The following PKHD1 variants were observed in gnomAD, a reference collection of about 807,000 sequenced individuals.
PKHD1 encodes the protein PKHD1 ciliary IPT domain containing fibrocystin/polyductin, also known as fibrocystin.
A neutral mutation model predicts 412.0 loss-of-function variants in PKHD1; 291 were observed. The ratio of observed to expected loss-of-function variants is 0.71; its 90% confidence interval spans 0.64 to 0.78. The LOEUF (loss-of-function observed/expected upper bound fraction) is 0.78, where lower values mean the gene tolerates loss of function less well. PKHD1 is among the 30% of genes least tolerant of loss of function. The pLI is 0.00. For missense variants in PKHD1, 4,825 were observed against 4,950.7 expected, an observed-to-expected ratio of 0.97 and a Z score of 0.76; for synonymous variants, 1,777 against 1,821.5, an observed-to-expected ratio of 0.98 and a Z score of 0.62.
intron 56 of PKHD1, among the ~76,000 whole-genome samples, chr6:51,753,962 G>T (rs1251152218): frequency 6.6e-6 from 1 of 152,108 alleles, no homozygotes; most frequent in Non-Finnish European, 1.5e-5. Context: ...TGAAATCATT[G>T]CTGAAGATTT....
chr6:51,738,176 A>G (rs1326166590), intron 60 of PKHD1, among the ~76,000 whole-genome samples: 1 of 152,204 alleles, frequency 6.6e-6, no homozygotes, highest in African/African-American at 2.4e-5. Context: ...CCACCTGCAC[A>G]GCTTCCTGGC....
At position 51,665,649 on chromosome 6, in the gene PKHD1, T is replaced by C. The variant is rs550251144; in HGVS notation, c.10157-5680A>G. Reference sequence around the variant, plus strand: ...CAGTCTAACACTCACAATGAAATTGTGAGAAGCAGCTAATGCATAGATGTA... The same window carrying C: ...CAGTCTAACACTCACAATGAAATTGCGAGAAGCAGCTAATGCATAGATGTA... On this transcript the variant is annotated intron_variant, in intron 60 of 66. Transcript: ENST00000371117. Among the ~76,000 whole-genome samples, 5 of 152,260 alleles carry C rather than the reference T, an allele frequency of 3.3e-5. No homozygotes were observed. The South Asian group carries it at 1.0e-3, about 32-fold the overall frequency.
chr6:51,729,140 T>C lies in PKHD1; in HGVS notation c.10156+15245A>G, dbSNP rs577943982. ...TATTATTCATAGCCATATTAAAAAA[T>C]GGCTTCAACTCCCTTCCTTCATGGC... On this transcript the variant is annotated intron_variant, in intron 60 of 66. Coordinates refer to ENST00000371117, the MANE Select transcript of PKHD1 (RefSeq NM_138694.4). Among the ~76,000 whole-genome samples the C allele has an allele frequency of 3.4e-4, 52 of 152,358 alleles. No homozygotes were observed. The South Asian group carries it at 4.3e-3, about 13-fold the overall frequency.
chr6:51,659,811 C>G lies in PKHD1; in HGVS notation c.10315G>C (p.Asp3439His), dbSNP rs778711731. 3 of 1,613,808 alleles carry G rather than the reference C, an allele frequency of 1.9e-6. No homozygotes were observed. The South Asian group carries it at 3.3e-5, about 18-fold the overall frequency. The change falls in exon 61 of 67, where the codon GAT (aspartate) becomes CAT (histidine). Residue 3439 changes from aspartate (D) to histidine (H), a missense_variant. Transcript: ENST00000371117. The stretch of plus-strand genomic sequence containing the variant: ...TTGGCATTTACACTGCTAAAGACAT[C>G]AACAAAACCACTAGTCACAGATACA... ...PVVSVTSGFVDVFSSVNANIP... is the reference protein window; with the variant it reads ...PVVSVTSGFVHVFSSVNANIP...
intron 63 of PKHD1, among the ~76,000 whole-genome samples, chr6:51,646,958 C>T (rs11751694): frequency 0.089 from 13,483 of 152,174 alleles, 762 homozygotes; most frequent in East Asian, 0.15. Context: ...CCTCCAATGG[C>T]TCTGCATCTC....
At chr6:51,941,065 C>A (rs1351113426) in intron 36 of PKHD1, among the ~76,000 whole-genome samples, 2 of 150,950 alleles carry the variant, frequency 1.3e-5, no homozygotes, top group Non-Finnish European at 3.0e-5. Flanking sequence ...CCCCCCCCAC[C>A]TTAACCCACA....
intron 36 of PKHD1, among the ~76,000 whole-genome samples, chr6:51,945,707 C>A (rs574987815): frequency 6.1e-4 from 93 of 152,332 alleles, no homozygotes; most frequent in African/African-American, 2.1e-3. Context: ...GATATATTGT[C>A]TAAAATGACC....
rs1226943830 is a variant in PKHD1 at position 51,618,350 on chromosome 6, T to C, written c.*731A>G. On this transcript the variant is annotated 3_prime_UTR_variant, in exon 67 of 67. Transcript: ENST00000371117. ...AGAGAATCACTGAAAAATAGAACAG[T>C]GGTCATACAAAATTTCCTTTCCCAA... The C allele has an allele frequency of 2.0e-5, 3 of 152,290 alleles. No individual in the cohort carries two copies. Among genetic ancestry groups the C allele is most frequent in the Non-Finnish European group, 2.9e-5 (2 of 68,164 alleles). The allele number at this position is 152,290 out of a possible 1,614,324, so 9.4% of individuals were successfully genotyped here.
At position 51,729,431 on chromosome 6, in the gene PKHD1, A is replaced by G. The variant is rs958105815; in HGVS notation, c.10156+14954T>C. On this transcript the variant is annotated intron_variant, in intron 60 of 66. Transcript: ENST00000371117. ...TATAAAAACTAAATTATACATACAC[A>G]TTTTTTTAATGGCAACCTTCTAGTT... 4.2e-4 allele frequency among the ~76,000 whole-genome samples: 64 copies of G among 152,128 alleles called. 1 individual carries two copies. Among genetic ancestry groups the G allele is most frequent in the Admixed American group, 2.0e-4 (3 of 15,268 alleles).
chr6:51,912,304 C>A lies in PKHD1; in HGVS notation c.6332+62G>T, dbSNP rs572223599. The A allele has an allele frequency of 2.1e-4, 212 of 1,024,746 alleles. No homozygotes were observed. The African/African-American group carries it at 2.9e-3, about 14-fold the overall frequency. The allele number at this position is 1,024,746 out of a possible 1,614,324, so 63.5% of individuals were successfully genotyped here. ...AAAGACCCCAATACAAATGTCCAGA[C>A]CCCAATACAGTTAAGATCTCATCTT... On this transcript the variant is annotated intron_variant, in intron 38 of 66. Transcript: ENST00000371117.
intron 19 of PKHD1, among the ~76,000 whole-genome samples, chr6:52,054,557 T>C (rs1807407001): frequency 1.3e-5 from 2 of 152,190 alleles, no homozygotes; most frequent in South Asian, 4.1e-4. Flanking sequence ...TCCTCAACTC[T>C]AACTCCCCAG....
intron 23 of PKHD1, 37 bp downstream of exon 23, chr6:52,048,455 T>C: frequency 1.2e-6 from 2 of 1,606,126 alleles, no homozygotes; most frequent in East Asian, 4.5e-5. Flanking sequence ...TGAGAATATG[T>C]GAGTGAGAAT....
chr6:51,666,708 C>T (rs1433772860), intron 60 of PKHD1, among the ~76,000 whole-genome samples: 1 of 126,816 alleles, frequency 7.9e-6, no homozygotes, highest in African/African-American at 3.0e-5. Flanking sequence ...CCCCACCCCA[C>T]AACAGTCCCC....
intron 36 of PKHD1, among the ~76,000 whole-genome samples, chr6:51,937,891 G>A (rs1477477278): frequency 6.6e-6 from 1 of 152,170 alleles, no homozygotes; most frequent in East Asian, 1.9e-4. Context: ...TTATTGCTGT[G>A]AAACCATCCT....
intron 37 of PKHD1, among the ~76,000 whole-genome samples, chr6:51,916,782 C>T (rs1266876): frequency 0.49 from 74,485 of 151,866 alleles, 19,937 homozygotes; most frequent in East Asian, 0.87. Context: ...TAAAACTACG[C>T]ATAAAAAGCT....
chr6:51,715,718 C>T (rs1781176561), intron 60 of PKHD1, among the ~76,000 whole-genome samples: 1 of 152,148 alleles, frequency 6.6e-6, no homozygotes, highest in South Asian at 2.1e-4. Flanking sequence ...GTAGCACCTA[C>T]TAGAAAGAGA....
intron 37 of PKHD1, among the ~76,000 whole-genome samples, chr6:51,917,542 A>G (rs9463738): frequency 0.035 from 5,340 of 152,218 alleles, 346 homozygotes; most frequent in African/African-American, 0.12. Context: ...GAGCACTGCA[A>G]TCACACCAAG....
chr6:52,005,061 A>G (rs1207004130), intron 35 of PKHD1, among the ~76,000 whole-genome samples: 1 of 152,112 alleles, frequency 6.6e-6, no homozygotes, highest in Admixed American at 6.5e-5. Flanking sequence ...CTAATCTCTG[A>G]TTGGAAACTG....
chr6:51,725,303 C>G (rs1782439944), intron 60 of PKHD1, among the ~76,000 whole-genome samples: 1 of 152,154 alleles, frequency 6.6e-6, no homozygotes, highest in African/African-American at 2.4e-5. Flanking sequence ...AACAATTGCT[C>G]CTTGTTTTGA....
Sources: allele counts gnomAD v4.1 joint callset (sites outside exome capture counted in the v4.1 genomes callset), GRCh38; gene constraint gnomAD v4.1.1; transcripts MANE v1.5; gene names NCBI Gene and HGNC (gene_info 2026-07-23, HGNC 2026-07-21).